PARN: variants seen among roughly 807,000 people sequenced by gnomAD.
PARN encodes poly(A)-specific ribonuclease PARN.
Under a neutral mutation model 102.8 loss-of-function variants are expected in PARN, and 71 were observed. The ratio of observed to expected loss-of-function variants is 0.69; its 90% CI spans 0.57 to 0.84. PARN has a LOEUF of 0.84. Among genes scored for constraint, PARN ranks in the 40% least tolerant of loss-of-function variants. The pLI, the probability that PARN is intolerant of heterozygous loss-of-function variation, is 0.00. For synonymous variants in PARN, 261 were observed against 252.9 expected (o/e 1.03, Z -0.30); for missense variants, 782 against 760.9 (o/e 1.03, Z -0.33).
chr16:14,553,618 G>C (rs1156651318), intron 20 of PARN, among the ~76,000 whole-genome samples: 3 of 152,120 alleles, frequency 2.0e-5, no homozygotes, highest in African/African-American at 7.2e-5. Context: ...ACATGACCTG[G>C]TAAAAAAGGA....
chr16:14,437,528 T>A (rs1327576751), intron 23 of PARN, among the ~76,000 whole-genome samples: 2 of 152,218 alleles, frequency 1.3e-5, no homozygotes, highest in Non-Finnish European at 2.9e-5. Context: ...TTTTTATTCA[T>A]GCCACTTTCT....
At chr16:14,615,399 T>C (rs1363276241) in intron 6 of PARN, among the ~76,000 whole-genome samples, 2 of 152,014 alleles carry the variant, frequency 1.3e-5, no homozygotes, top group African/African-American at 4.8e-5. Flanking sequence ...AATATAGTGC[T>C]CTAAATGCAT....
chr16:14,473,609 G>C (rs1166542610), intron 22 of PARN, among the ~76,000 whole-genome samples: 2 of 152,172 alleles, frequency 1.3e-5, no homozygotes, highest in African/African-American at 2.4e-5. Flanking sequence ...GGACAGAAGA[G>C]GCAGTTAGAG....
chr16:14,515,120 C>T (rs1393467848), intron 21 of PARN, among the ~76,000 whole-genome samples: 1 of 152,146 alleles, frequency 6.6e-6, no homozygotes, highest in African/African-American at 2.4e-5. Context: ...CACCAAATTC[C>T]AGAACATATA....
chr16:14,561,448 TA>T (rs1968057021), intron 18 of PARN, among the ~76,000 whole-genome samples: 1 of 152,202 alleles, frequency 6.6e-6, no homozygotes, highest in African/African-American at 2.4e-5. Context: ...TAATTACCAC[TA>T]AAGATGATGC....
intron 11 of PARN, among the ~76,000 whole-genome samples, chr16:14,602,638 C>A (rs1440127864): frequency 6.6e-6 from 1 of 152,086 alleles, no homozygotes; most frequent in Non-Finnish European, 1.5e-5. Flanking sequence ...TGCGTCTTGG[C>A]CACAGACTCA....
intron 21 of PARN, among the ~76,000 whole-genome samples, chr16:14,528,001 G>C (rs1463229595): frequency 1.3e-5 from 2 of 152,282 alleles, no homozygotes; most frequent in African/African-American, 4.8e-5. Context: ...GACCACAAAA[G>C]CACGTGAAAA....
At position 14,604,109 on chromosome 16, in the gene PARN, A is replaced by G. The variant is rs752555186; in HGVS notation, c.783+37T>C. 8.1e-6 allele frequency: 10 copies of G among 1,230,758 alleles called. No individual in the cohort carries two copies. The African/African-American group carries it at 1.5e-4, about 18-fold the overall frequency. The allele number at this position is 1,230,758 out of a possible 1,614,324, so 76.2% of individuals were successfully genotyped here. On this transcript the variant is annotated intron_variant, in intron 11 of 23. Coordinates refer to ENST00000437198, the MANE Select transcript of PARN (RefSeq NM_002582.4). The stretch of plus-strand genomic sequence containing the variant: ...GGAATAAATCAATATTTATGTTGCC[A>G]TTTCTCACCCCCCAAGAATTAACAT...
intron 21 of PARN, among the ~76,000 whole-genome samples, chr16:14,513,783 C>G (rs1389653087): frequency 1.3e-5 from 2 of 152,188 alleles, no homozygotes; most frequent in East Asian, 3.8e-4. Context: ...GAGCAAAACT[C>G]TCTTTCTTAG....
At chr16:14,517,013 G>T (rs1965494480) in intron 21 of PARN, among the ~76,000 whole-genome samples, 1 of 152,132 alleles carries the variant, frequency 6.6e-6, no homozygotes, top group African/African-American at 2.4e-5. Context: ...GAAAATAAGA[G>T]ATTATAGCTA....
chr16:14,510,565 A>G (rs1965135081), intron 21 of PARN, among the ~76,000 whole-genome samples: 1 of 152,380 alleles, frequency 6.6e-6, no homozygotes, highest in African/African-American at 2.4e-5. Flanking sequence ...AAAAACTCAG[A>G]GACTCAAAGA....
intron 21 of PARN, among the ~76,000 whole-genome samples, chr16:14,500,590 A>G (rs1964537034): frequency 6.6e-6 from 1 of 152,090 alleles, no homozygotes; most frequent in East Asian, 1.9e-4. Context: ...TACTCTCTAC[A>G]TTTCTTTCCC....
chr16:14,446,372 A>C (rs1961198602), intron 23 of PARN, among the ~76,000 whole-genome samples: 1 of 152,236 alleles, frequency 6.6e-6, no homozygotes, highest in Non-Finnish European at 1.5e-5. Flanking sequence ...GGTGAAAATT[A>C]AATGAAATAA....
intron 21 of PARN, among the ~76,000 whole-genome samples, chr16:14,523,613 G>A (rs1034263648): frequency 6.6e-6 from 1 of 152,088 alleles, no homozygotes; most frequent in Non-Finnish European, 1.5e-5. Context: ...CTGTACATAC[G>A]TAGAGATCAG....
chr16:14,505,793 C>A (rs1964863604), intron 21 of PARN, among the ~76,000 whole-genome samples: 1 of 152,142 alleles, frequency 6.6e-6, no homozygotes, highest in South Asian at 2.1e-4. Context: ...CTAGTGTCAG[C>A]TTTGGCAACA....
chr16:14,600,033 A>C (rs558114849), intron 11 of PARN, 73 bp from the exon 12 acceptor site: 156 of 782,486 alleles, frequency 2.0e-4, no homozygotes, highest in Admixed American at 3.2e-4. Flanking sequence ...AAACTACCCC[A>C]AAAAAAAGAC....
chr16:14,594,078 G>A (rs1182042936), intron 12 of PARN, among the ~76,000 whole-genome samples: 1 of 151,878 alleles, frequency 6.6e-6, no homozygotes, highest in African/African-American at 2.4e-5. Flanking sequence ...ACAAATTTTA[G>A]GGCTGCATCC....
At chr16:14,483,098 T>C (rs1438395823) in intron 21 of PARN, among the ~76,000 whole-genome samples, 2 of 152,224 alleles carry the variant, frequency 1.3e-5, no homozygotes, top group African/African-American at 4.8e-5. Flanking sequence ...CCGGTAATGA[T>C]ATAAGTAAAA....
intron 1 of PARN, among the ~76,000 whole-genome samples, 178 bp downstream of exon 1, chr16:14,629,928 TA>T (rs1972934208): frequency 6.6e-6 from 1 of 152,106 alleles, no homozygotes; most frequent in Non-Finnish European, 1.5e-5. Flanking sequence ...ACAAGGCTCC[TA>T]GGGTGCACGG....
Sources: allele counts gnomAD v4.1 joint callset (sites outside exome capture counted in the v4.1 genomes callset), GRCh38; gene constraint gnomAD v4.1.1; transcripts MANE v1.5; gene names NCBI Gene and HGNC (gene_info 2026-07-23, HGNC 2026-07-21).